SLC38A8: variants seen among roughly 807,000 people sequenced by gnomAD.
SLC38A8 encodes the protein solute carrier family 38 member 8.
A neutral mutation model predicts 46.0 loss-of-function variants in SLC38A8; 65 were observed. The ratio of observed to expected loss-of-function variants is 1.41; its 90% CI spans 1.16 to 1.74. SLC38A8 has a LOEUF of 1.74. Among genes scored for constraint, SLC38A8 ranks in the 40% most tolerant of loss-of-function variants. The probability of loss-of-function intolerance (pLI) is 0.00; values close to 1 mark genes in which losing one functional copy is unlikely to be tolerated. For missense variants in SLC38A8, 998 were observed against 567.9 expected, an observed-to-expected ratio of 1.76 and a Z score of -7.70; for synonymous variants, 447 against 243.7, an observed-to-expected ratio of 1.83 and a Z score of -7.77.
In SLC38A8 at chr16:84,029,805, G is replaced by C. The variant is rs149705949; in HGVS notation, c.633-254C>G. ...TTACATGTGGGCAGAATTTGGGCAG[G>C]AAAACCGCAGTAGGAACTCCCAACT... is the stretch of plus-strand genomic sequence containing the variant. On this transcript the variant is annotated intron_variant, in intron 5 of 10. Coordinates refer to ENST00000299709, the MANE Select transcript of SLC38A8 (RefSeq NM_001080442.3). Among the ~76,000 whole-genome samples the C allele has an allele frequency of 1.4e-3, 216 of 152,316 alleles. 4 individuals are homozygous for C. The highest frequency in any genetic ancestry group is 5.0e-3 in the African/African-American group (206 of 41,574).
chr16:84,022,755 G>A lies in SLC38A8; in HGVS notation c.805+20C>T, dbSNP rs772371097. On this transcript the variant is annotated intron_variant, in intron 7 of 10. Coordinates refer to ENST00000299709, the MANE Select transcript of SLC38A8 (RefSeq NM_001080442.3). ...CTGTCACTCCCCACCCTCTGCAGGG[G>A]TGCCTGGGAAGGGCCTTACCCGTCA... 2 of 1,600,738 alleles carry A rather than the reference G, an allele frequency of 1.2e-6. No homozygotes were observed. The highest frequency in any genetic ancestry group is 2.2e-5 in the East Asian group (1 of 44,790).
chr16:84,033,352 T>G lies in SLC38A8; in HGVS notation c.506A>C (p.Glu169Ala). ...LVILPLSAPR[E>A]IAFQKYTSIL... The stretch of plus-strand genomic sequence containing the variant: ...CCTTGTGTATTTCTGGAAGGCGATC[T>G]CCCGCGGGGCAGACAGGGGCAGGAT... Residue 169 changes from glutamate (E) to alanine (A), a missense_variant, in exon 4 of 11, where the codon GAG becomes GCG. Glu to Ala is a moderately radical substitution (Grantham distance 107, BLOSUM62 -1). Transcript: ENST00000299709. The G allele has an allele frequency of 6.2e-7, 1 of 1,613,932 alleles. No homozygotes were observed. The highest frequency in any genetic ancestry group is 1.1e-5 in the South Asian group (1 of 91,062).
intron 9 of SLC38A8, among the ~76,000 whole-genome samples, chr16:84,013,665 G>C (rs1196239822): frequency 4.0e-5 from 6 of 151,384 alleles, no homozygotes; most frequent in Non-Finnish European, 8.8e-5. Context: ...TCTTGACCTC[G>C]TGATCCGCCC....
At position 84,042,787 on chromosome 16, in the gene SLC38A8, A is replaced by T. The variant is rs1262927493; in HGVS notation, c.-239T>A. ...CAAGTGGTCAGGGCCATGGGTCCCA[A>T]GAATTTGCAGCTTTTGAGACTTCTG... On this transcript the variant is annotated 5_prime_UTR_variant, in exon 1 of 11. In the 5' UTR this introduces an upstream ATG that the reference lacks. Transcript: ENST00000299709. Among the ~76,000 whole-genome samples, 1 of 152,216 alleles carries T rather than the reference A, an allele frequency of 6.6e-6. No homozygotes were observed. The highest frequency in any genetic ancestry group is 1.9e-4 in the East Asian group (1 of 5,194).
intron 4 of SLC38A8, 134 bp downstream of exon 4, chr16:84,033,194 A>ATTTTTT: frequency 8.4e-7 from 1 of 1,192,068 alleles, no homozygotes; most frequent in Non-Finnish European, 1.2e-6. Flanking sequence ...TACTTGTATA[A>ATTTTTT]TTTTTTTTTC....
At chr16:84,037,976 T>A (rs1482302712) in intron 2 of SLC38A8, among the ~76,000 whole-genome samples, 1 of 152,058 alleles carries the variant, frequency 6.6e-6, no homozygotes, top group Non-Finnish European at 1.5e-5. Flanking sequence ...ACCCAGCTAA[T>A]TGTTTTTTGT....
chr16:84,032,653 T>C (rs1056562279), intron 4 of SLC38A8, among the ~76,000 whole-genome samples: 14 of 152,170 alleles, frequency 9.2e-5, no homozygotes, highest in Non-Finnish European at 1.8e-4. Flanking sequence ...TTGGTCTGAG[T>C]GGCACGAGAG....
chr16:84,038,124 A>C (rs761176892), intron 2 of SLC38A8, among the ~76,000 whole-genome samples: 3 of 152,134 alleles, frequency 2.0e-5, no homozygotes, highest in East Asian at 3.9e-4. Flanking sequence ...CAGCCTGGCC[A>C]ACATGATGAA....
chr16:84,017,163 G>A lies in SLC38A8; in HGVS notation c.930C>T (p.Tyr310=). The A allele has an allele frequency of 6.2e-7, 1 of 1,614,154 alleles. No homozygotes were observed. The highest frequency in any genetic ancestry group is 8.5e-7 in the Non-Finnish European group (1 of 1,180,038). The change falls in exon 8 of 11, where the codon TAC becomes TAT. Residue 310 remains tyrosine (Y), a synonymous_variant. Coordinates refer to ENST00000299709, the MANE Select transcript of SLC38A8 (RefSeq NM_001080442.3). ...ACCTCCCCAGGAAGAGCACGATGGG[G>A]TAGACAGTTACGATGGAGACAGCAA... The part of the protein sequence containing the change: ...VLFAVSIVTV[Y]PIVLFLGRSV...
At position 84,033,479 on chromosome 16, in the gene SLC38A8, A is replaced by T. The variant is rs368893293; in HGVS notation, c.389-10T>A. On this transcript the variant is annotated splice_polypyrimidine_tract_variant and intron_variant, in intron 3 of 10. Transcript: ENST00000299709. ...AGGAGGGAGTCACACACTGCCAGAGACACGGGGAGAGCTGAGCCACAGAGT... is the reference window on the plus strand; with the variant it reads ...AGGAGGGAGTCACACACTGCCAGAGTCACGGGGAGAGCTGAGCCACAGAGT... 3 of 1,588,790 alleles carry T rather than the reference A, an allele frequency of 1.9e-6. No homozygotes were observed. Among genetic ancestry groups the T allele is most frequent in the Non-Finnish European group, 1.7e-6 (2 of 1,168,372 alleles).
At chr16:84,039,182 G>C (rs748786815) in intron 2 of SLC38A8, among the ~76,000 whole-genome samples, 1 of 152,182 alleles carries the variant, frequency 6.6e-6, no homozygotes, top group Non-Finnish European at 1.5e-5. Context: ...TTTGGAGGGA[G>C]CGAAGCCCTG....
rs1484143568 is a variant in SLC38A8, at chr16:84,022,904, G to A, written c.691-15C>T. On this transcript the variant is annotated splice_polypyrimidine_tract_variant and intron_variant, in intron 6 of 10. Coordinates refer to ENST00000299709, the MANE Select transcript of SLC38A8 (RefSeq NM_001080442.3). ...GCTTCGTGACACTGTAAGACAGAGG[G>A]CGGCTCAGCAGGATGCTGGCTTCCC... 1.9e-6 allele frequency: 3 copies of A among 1,565,304 alleles called. No individual in the cohort carries two copies. The highest frequency in any genetic ancestry group is 1.2e-5 in the South Asian group (1 of 83,748).
intron 10 of SLC38A8, among the ~76,000 whole-genome samples, chr16:84,011,642 G>A (rs955244629): frequency 6.6e-6 from 1 of 152,206 alleles, no homozygotes; most frequent in Admixed American, 6.5e-5. Flanking sequence ...ACTGGGTTTT[G>A]CAGATGTAAT....
intron 5 of SLC38A8, among the ~76,000 whole-genome samples, chr16:84,030,798 T>C (rs982561899): frequency 5.1e-4 from 78 of 152,086 alleles, no homozygotes; most frequent in African/African-American, 1.7e-3. Flanking sequence ...TTTAAGACAG[T>C]GACATCAGAA....
Position 84,009,703 on chromosome 16 carries a change from G to A in SLC38A8, c.*81C>T, listed in dbSNP as rs1055091662. On this transcript the variant is annotated 3_prime_UTR_variant, in exon 11 of 11. Coordinates refer to ENST00000299709, the MANE Select transcript of SLC38A8 (RefSeq NM_001080442.3). ...AGCATCTTTATGAGGAAAAGAAATG[G>A]CATCGGTCTCCTGGCTGCATACAGC... 9.4e-6 allele frequency: 11 copies of A among 1,175,382 alleles called. No individual in the cohort carries two copies. Among genetic ancestry groups the A allele is most frequent in the Non-Finnish European group, 1.3e-5 (11 of 827,660 alleles). The allele number at this position is 1,175,382 out of a possible 1,614,324, so 72.8% of individuals were successfully genotyped here. A position where few individuals can be genotyped will look rare whatever the true frequency, so the allele number is the denominator to read the frequency against.
In SLC38A8 at chr16:84,023,913, C is replaced by A. The variant is rs142893706; in HGVS notation, c.691-1024G>T. ...TGTCTCAAAAGAAAAACAAGCCGGGCAGCAGAGAATGTTTCCGTTAATGGA... is the reference window on the plus strand; with the variant it reads ...TGTCTCAAAAGAAAAACAAGCCGGGAAGCAGAGAATGTTTCCGTTAATGGA... On this transcript the variant is annotated intron_variant, in intron 6 of 10. Transcript: ENST00000299709. 7.9e-4 allele frequency among the ~76,000 whole-genome samples: 121 copies of A among 152,280 alleles called. 1 individual carries two copies. Among genetic ancestry groups the A allele is most frequent in the Non-Finnish European group, 1.4e-3 (96 of 68,018 alleles).
chr16:84,018,007 C>T (rs1408023581), intron 7 of SLC38A8, among the ~76,000 whole-genome samples: 1 of 152,114 alleles, frequency 6.6e-6, no homozygotes, highest in Non-Finnish European at 1.5e-5. Flanking sequence ...TCCTGGATAA[C>T]CACAGTATCT....
chr16:84,028,512 G>A (rs1037529152), intron 6 of SLC38A8, among the ~76,000 whole-genome samples: 9 of 151,174 alleles, frequency 6.0e-5, no homozygotes, highest in East Asian at 1.9e-4. Flanking sequence ...AGTGCAGTGA[G>A]CTGAGATCCA....
At chr16:84,041,564 T>C (rs902737876) in intron 2 of SLC38A8, among the ~76,000 whole-genome samples, 4 of 152,176 alleles carry the variant, frequency 2.6e-5, no homozygotes, top group Non-Finnish European at 5.9e-5. Flanking sequence ...CCGTCCACCT[T>C]GGCCTCCCAA....
Sources: gnomAD v4.1 joint callset for allele counts (sites outside exome capture counted in the v4.1 genomes callset) on GRCh38, gnomAD v4.1.1 for gene constraint, MANE v1.5 for transcripts, NCBI Gene and HGNC (gene_info 2026-07-23, HGNC 2026-07-21) for gene names.